The following ALMS1 variants were observed in gnomAD, a reference collection of about 807,000 sequenced individuals.
ALMS1 encodes ALMS1 centrosome and basal body associated protein.
ALMS1 carries 271 observed loss-of-function variants against 352.2 expected under a neutral mutation model. That is an observed-to-expected ratio of 0.77 (90% confidence interval 0.70 to 0.85). The LOEUF is 0.85. ALMS1 is among the 40% of genes least tolerant of loss of function. The pLI, the probability that ALMS1 is intolerant of heterozygous loss-of-function variation, is 0.00. For synonymous variants in ALMS1, 1,865 were observed against 1,761.2 expected (o/e 1.06, Z -1.48); for missense variants, 5,445 against 4,870.7 (o/e 1.12, Z -3.51).
chr2:73,566,334 T>C (rs1228952709), intron 15 of ALMS1, among the ~76,000 whole-genome samples: 2 of 152,176 alleles, frequency 1.3e-5, no homozygotes, highest in East Asian at 1.9e-4. Flanking sequence ...TAGGGTTACT[T>C]GAACACAGGC....
At chr2:73,515,071 T>C (rs991760095) in intron 10 of ALMS1, among the ~76,000 whole-genome samples, 17 of 152,184 alleles carry the variant, frequency 1.1e-4, no homozygotes, top group Non-Finnish European at 2.2e-4. Context: ...AGATTACACA[T>C]GTATTGGATT....
intron 15 of ALMS1, among the ~76,000 whole-genome samples, 172 bp downstream of exon 15, chr2:73,559,314 C>CTATATA (rs10684777): frequency 6.7e-6 from 1 of 150,168 alleles, no homozygotes; most frequent in African/African-American, 2.5e-5. Context: ...TATTAGGTTA[C>CTATATA]TATATATATA....
At chr2:73,485,848 C>T (rs956355427) in intron 9 of ALMS1, among the ~76,000 whole-genome samples, 15 of 152,268 alleles carry the variant, frequency 9.9e-5, no homozygotes, top group South Asian at 6.2e-4. Flanking sequence ...CAGGTGCGTC[C>T]GTCACCCCTT....
chr2:73,454,186 T>A (rs1672011490), intron 8 of ALMS1, 119 bp downstream of exon 8: 2 of 1,485,638 alleles, frequency 1.3e-6, no homozygotes, highest in East Asian at 4.9e-5. Context: ...AGAAAAAAAA[T>A]GAAGTTAGAT....
rs2103720635 is a variant in ALMS1 at position 73,426,561 on chromosome 2, A to G, written c.1338+8A>G. On this transcript the variant is annotated splice_region_variant and intron_variant, in intron 6 of 22. Coordinates refer to ENST00000613296, the MANE Select transcript of ALMS1 (RefSeq NM_001378454.1). ...GCTGAACTACAAAGAAAGGTGAGAC[A>G]CAATAAAATGATAGTTGTAAGAAAC... The G allele has an allele frequency of 1.2e-6, 2 of 1,612,744 alleles. No homozygotes were observed. Among genetic ancestry groups the G allele is most frequent in the South Asian group, 1.1e-5 (1 of 91,040 alleles).
intron 16 of ALMS1, among the ~76,000 whole-genome samples, chr2:73,581,638 A>C (rs1232823350): frequency 6.6e-6 from 1 of 152,116 alleles, no homozygotes; most frequent in Non-Finnish European, 1.5e-5. Flanking sequence ...GTTTCTAGAG[A>C]AGGCACTTTC....
intron 9 of ALMS1, chr2:73,470,806 A>G (rs1672450484): frequency 6.6e-6 from 1 of 151,696 alleles, no homozygotes; most frequent in South Asian, 2.1e-4. Context: ...ATATATGTTT[A>G]TACTTGTGAT....
At position 73,449,795 on chromosome 2, in the gene ALMS1, C is replaced by G. The variant is rs376232524; in HGVS notation, c.3268C>G (p.Pro1090Ala). ...ACCAGCTGACCAGATGACTGACACA[C>G]CAGCAGTACCGTCTACTTTCTACTC... Reference protein sequence around the residue: ...PGPADQMTDTPAVPSTFYSQR... With the variant: ...PGPADQMTDTAAVPSTFYSQR... The change falls in exon 8 of 23, where the codon CCA (proline) becomes GCA (alanine). Residue 1090 changes from proline to alanine, a missense_variant. By Grantham distance (27) the Pro-to-Ala change is conservative. Transcript: ENST00000613296. 9 of 1,614,008 alleles carry G rather than the reference C, an allele frequency of 5.6e-6. No homozygotes were observed. Among genetic ancestry groups the G allele is most frequent in the Non-Finnish European group, 7.6e-6 (9 of 1,179,988 alleles).
intron 16 of ALMS1, among the ~76,000 whole-genome samples, chr2:73,591,328 T>C (rs1389400063): frequency 1.3e-5 from 2 of 152,230 alleles, no homozygotes; most frequent in African/African-American, 4.8e-5. Flanking sequence ...GAATTTATTT[T>C]TGTGTGTATA....
At chr2:73,426,631 T>C (rs1671385380) in intron 6 of ALMS1, 78 bp downstream of exon 6, 1 of 1,447,666 alleles carries the variant, frequency 6.9e-7, no homozygotes, top group African/African-American at 1.4e-5. Flanking sequence ...TTGTTTGTTT[T>C]TATTTTACTT....
At chr2:73,478,485 T>A (rs1376311214) in intron 9 of ALMS1, among the ~76,000 whole-genome samples, 1 of 152,092 alleles carries the variant, frequency 6.6e-6, no homozygotes, top group East Asian at 1.9e-4. Context: ...GAGGCTGGAA[T>A]AGGTTTATGT....
Position 73,545,742 on chromosome 2 carries a change from C to G in ALMS1, c.9908-4525C>G, listed in dbSNP as rs1425057032. 3.3e-5 allele frequency among the ~76,000 whole-genome samples: 5 copies of G among 152,242 alleles called. No homozygotes were observed. In the East Asian group the frequency reaches 9.6e-4, roughly 29 times the overall value. ...GATATTGTCTCATGCATGTATTTAA[C>G]TTAAGCAAGTTCAAATAAATATACT... is the stretch of plus-strand genomic sequence containing the variant. On this transcript the variant is annotated intron_variant, in intron 12 of 22. Coordinates refer to ENST00000613296, the MANE Select transcript of ALMS1 (RefSeq NM_001378454.1).
rs1329094306 is a variant in ALMS1 at position 73,512,624 on chromosome 2, T to C, written c.9540-7151T>C. On this transcript the variant is annotated intron_variant, in intron 10 of 22. Transcript: ENST00000613296. ...CAAATTCTTTATTAGATTTCAGACT[T>C]GCAAATTTTTACATTGTACAAAACC... is the stretch of plus-strand genomic sequence containing the variant. Among the ~76,000 whole-genome samples the C allele has an allele frequency of 8.5e-5, 13 of 152,180 alleles. No individual in the cohort carries two copies. The East Asian group carries it at 2.5e-3, about 29-fold the overall frequency.
intron 12 of ALMS1, among the ~76,000 whole-genome samples, chr2:73,542,331 A>C (rs935302008): frequency 4.6e-5 from 7 of 152,214 alleles, no homozygotes; most frequent in Admixed American, 4.6e-4. Context: ...CTTCATGCTA[A>C]AAACTCTCAA....
intron 10 of ALMS1, among the ~76,000 whole-genome samples, chr2:73,508,862 CTT>C (rs1433981755): frequency 6.6e-6 from 1 of 152,134 alleles, no homozygotes; most frequent in Non-Finnish European, 1.5e-5. Flanking sequence ...GTCTAAGTCT[CTT>C]TGTAGGTCGC....
At chr2:73,573,449 G>A in intron 16 of ALMS1, 25 bp downstream of exon 16, 2 of 1,612,064 alleles carry the variant, frequency 1.2e-6, no homozygotes, top group Non-Finnish European at 1.7e-6. Flanking sequence ...ATTCCATCTG[G>A]CAATGTGACT....
At position 73,453,600 on chromosome 2, in the gene ALMS1, C is replaced by A. The variant is rs763725570; in HGVS notation, c.7073C>A (p.Thr2358Lys). The A allele has an allele frequency of 6.2e-7, 1 of 1,613,784 alleles. No homozygotes were observed. The highest frequency in any genetic ancestry group is 8.5e-7 in the Non-Finnish European group (1 of 1,180,004). Reference sequence around the variant, plus strand: ...AATTGGGAGTTTATTAGTTCAACTACAGTTAGAAGTCCTCTACAGGAAGCA... The same window carrying A: ...AATTGGGAGTTTATTAGTTCAACTAAAGTTAGAAGTCCTCTACAGGAAGCA... ...IENWEFISST[T>K]VRSPLQEAES... Residue 2358 changes from threonine (T) to lysine (K), a missense_variant, in exon 8 of 23, where the codon ACA (threonine) becomes AAA (lysine). By Grantham distance (78) the Thr-to-Lys change is moderately conservative. Coordinates refer to ENST00000613296, the MANE Select transcript of ALMS1 (RefSeq NM_001378454.1).
intron 8 of ALMS1, chr2:73,454,451 A>C: frequency 1.2e-6 from 1 of 857,654 alleles, no homozygotes. Context: ...CTTATTCTGA[A>C]GGCAGAAAGA....
chr2:73,454,764 G>C (rs1042264918), intron 8 of ALMS1, among the ~76,000 whole-genome samples: 9 of 152,038 alleles, frequency 5.9e-5, no homozygotes, highest in African/African-American at 1.9e-4. Flanking sequence ...TTCCTACGCT[G>C]TTCCCTGCAC....
Sources: gnomAD v4.1 joint callset for allele counts (sites outside exome capture counted in the v4.1 genomes callset) on GRCh38, gnomAD v4.1.1 for gene constraint, MANE v1.5 for transcripts, NCBI Gene and HGNC (gene_info 2026-07-23, HGNC 2026-07-21) for gene names.